Variants in CYP46A1 observed in about 807,000 individuals in gnomAD.
CYP46A1 encodes the protein cholesterol 24-hydroxylase.
Under a neutral mutation model 63.3 loss-of-function variants are expected in CYP46A1, and 20 were observed. The ratio of observed to expected loss-of-function variants is 0.32; its 90% CI spans 0.22 to 0.46. The LOEUF is 0.46. Among genes scored for constraint, CYP46A1 ranks in the 20% least tolerant of loss-of-function variants. CYP46A1 has a pLI of 1.00. For synonymous variants in CYP46A1, 268 were observed against 273.6 expected (o/e 0.98, Z 0.20); for missense variants, 445 against 670.8 (o/e 0.66, Z 3.72).
In CYP46A1 at chr14:99,684,394, C is replaced by A. The variant is rs751580896; in HGVS notation, c.-24C>A. 2.8e-6 allele frequency: 4 copies of A among 1,404,276 alleles called. No homozygotes were observed. The highest frequency in any genetic ancestry group is 2.6e-4 in the Middle Eastern group (1 of 3,874). The allele number at this position is 1,404,276 out of a possible 1,614,324, so 87.0% of individuals were successfully genotyped here. ...CCCTCGGCGCCCGGCCCGACCCTGG[C>A]CTGGCCTGCCCTGCCCCGGAGCCAT... is the stretch of plus-strand genomic sequence containing the variant. On this transcript the variant is annotated 5_prime_UTR_variant, in exon 1 of 15. Coordinates refer to ENST00000261835, the MANE Select transcript of CYP46A1 (RefSeq NM_006668.2).
chr14:99,720,318 T>C (rs1333103758), intron 10 of CYP46A1, among the ~76,000 whole-genome samples: 2 of 152,182 alleles, frequency 1.3e-5, no homozygotes, highest in African/African-American at 4.8e-5. Context: ...ACCATACCGT[T>C]TTCCATAACG....
In CYP46A1 at chr14:99,715,799, C is replaced by T. The variant is rs1334803172; in HGVS notation, c.694-11C>T. 5 of 1,613,974 alleles carry T rather than the reference C, an allele frequency of 3.1e-6. No homozygotes were observed. In the East Asian group the frequency reaches 1.1e-4, roughly 36 times the overall value. On this transcript the variant is annotated splice_polypyrimidine_tract_variant and intron_variant, in intron 7 of 14. Transcript: ENST00000261835. The stretch of plus-strand genomic sequence containing the variant: ...TTCACTTGGCCATCTGGAGCTGAAA[C>T]TCTTGTTTAGTTCCTGCCAGGGAAG...
rs756488741 is a variant in CYP46A1, at chr14:99,691,855, G to A, written c.276G>A (p.Ser92=). ...KTSVIVTSPE[S]VKKFLMSTKY... Reference sequence around the variant, plus strand: ...CAGTCATCGTCACGAGTCCTGAGTCGGTTAAGGTAGGAGGAAGAGTGGTTT... The same window carrying A: ...CAGTCATCGTCACGAGTCCTGAGTCAGTTAAGGTAGGAGGAAGAGTGGTTT... Residue 92 remains serine, a synonymous_variant, in exon 3 of 15, where the codon TCG becomes TCA. Transcript: ENST00000261835. 18 of 1,614,154 alleles carry A rather than the reference G, an allele frequency of 1.1e-5. No individual in the cohort carries two copies. The highest frequency in any genetic ancestry group is 1.1e-4 in the East Asian group (5 of 44,886).
chr14:99,707,034 T>C (rs967818353), intron 6 of CYP46A1, among the ~76,000 whole-genome samples: 1 of 152,194 alleles, frequency 6.6e-6, no homozygotes, highest in Non-Finnish European at 1.5e-5. Flanking sequence ...AGCTGGTCAA[T>C]GGCAGAAGCA....
rs1439542287 is a variant in CYP46A1, at chr14:99,726,256, G to C, written c.1332G>C (p.Gln444His). The C allele has an allele frequency of 6.2e-7, 1 of 1,613,360 alleles. No individual in the cohort carries two copies. The highest frequency in any genetic ancestry group is 8.5e-7 in the Non-Finnish European group (1 of 1,179,918). ...CCTGCATCGGGCAGCAGTTTGCTCA[G>C]GTAGGAGGGGCAGGGCTGTGGTTCT... ...HRSCIGQQFA[Q>H]MEVKVVMAKL... The change falls in exon 14 of 15, where the codon CAG becomes CAC. Residue 444 changes from glutamine to histidine, a missense_variant and splice_region_variant. Coordinates refer to ENST00000261835, the MANE Select transcript of CYP46A1 (RefSeq NM_006668.2).
intron 7 of CYP46A1, among the ~76,000 whole-genome samples, chr14:99,714,350 C>T (rs759689247): frequency 1.3e-5 from 2 of 152,134 alleles, no homozygotes; most frequent in African/African-American, 2.4e-5. Context: ...CATATGATTC[C>T]GCAGTCCCAC....
chr14:99,704,327 G>A (rs1394985554), intron 5 of CYP46A1, among the ~76,000 whole-genome samples: 1 of 152,122 alleles, frequency 6.6e-6, no homozygotes, highest in Non-Finnish European at 1.5e-5. Context: ...AATTTACAAG[G>A]CTTTATGAAA....
intron 5 of CYP46A1, 108 bp downstream of exon 5, chr14:99,700,209 C>CT: frequency 1.4e-6 from 1 of 712,584 alleles, no homozygotes; most frequent in South Asian, 2.2e-5. Context: ...GGGGGCCTCC[C>CT]TCAGCTGAAG....
chr14:99,710,685 C>G (rs2056721804), intron 7 of CYP46A1: 1 of 151,996 alleles, frequency 6.6e-6, no homozygotes, highest in Admixed American at 6.6e-5. Flanking sequence ...AAGCAAAGAT[C>G]TAAAGGAAAA....
chr14:99,719,498 A>G (rs2056824264), intron 10 of CYP46A1, among the ~76,000 whole-genome samples: 1 of 151,984 alleles, frequency 6.6e-6, no homozygotes, highest in Non-Finnish European at 1.5e-5. Context: ...CTGGGATTAC[A>G]GGTGTGAGCC....
intron 1 of CYP46A1, among the ~76,000 whole-genome samples, chr14:99,685,389 G>A (rs925748688): frequency 2.9e-5 from 4 of 137,734 alleles, no homozygotes; most frequent in Non-Finnish European, 4.5e-5. Context: ...TCCTCTGCTT[G>A]TCTCAAACAG....
At chr14:99,704,578 G>T (rs772456723) in intron 5 of CYP46A1, among the ~76,000 whole-genome samples, 5 of 152,172 alleles carry the variant, frequency 3.3e-5, no homozygotes, top group African/African-American at 9.7e-5. Flanking sequence ...GGATTTTATT[G>T]TTCACCTAAC....
intron 3 of CYP46A1, among the ~76,000 whole-genome samples, chr14:99,698,397 C>T (rs1339019681): frequency 6.6e-6 from 1 of 152,144 alleles, no homozygotes; most frequent in Non-Finnish European, 1.5e-5. Context: ...AACCTTGGGT[C>T]AGTTTTCAAC....
intron 3 of CYP46A1, among the ~76,000 whole-genome samples, chr14:99,694,371 C>CTTTTTTTTTTT (rs74872295): frequency 2.3e-5 from 2 of 86,312 alleles, no homozygotes; most frequent in African/African-American, 4.3e-5. Flanking sequence ...TTTGGGTTTT[C>CTTTTTTTTTTT]TTTTTTTTTT....
At position 99,691,267 on chromosome 14, in the gene CYP46A1, A is replaced by G. The variant is rs576773332; in HGVS notation, c.200+106A>G. On this transcript the variant is annotated intron_variant, in intron 2 of 14. Transcript: ENST00000261835. ...TCCCAGCCTCACCTTCCCCTAGCCCAGGTTACTCCCAGCCCCAGCAGTTCC... is the reference window on the plus strand; with the variant it reads ...TCCCAGCCTCACCTTCCCCTAGCCCGGGTTACTCCCAGCCCCAGCAGTTCC... The G allele has an allele frequency of 4.5e-5, 51 of 1,129,362 alleles. No homozygotes were observed. In the African/African-American group the frequency reaches 7.7e-4, roughly 17 times the overall value. The allele number at this position is 1,129,362 out of a possible 1,614,324, so 70.0% of individuals were successfully genotyped here. A position where few individuals can be genotyped will look rare whatever the true frequency, so the allele number is the denominator to read the frequency against.
chr14:99,720,459 CTT>C (rs34168201), intron 10 of CYP46A1, among the ~76,000 whole-genome samples: 12 of 127,336 alleles, frequency 9.4e-5, no homozygotes, highest in African/African-American at 3.3e-4. Flanking sequence ...CAGATCCACT[CTT>C]TTTTTTTTTT....
rs569729976 is a variant in CYP46A1 at position 99,726,039 on chromosome 14, A to T, written c.1266-151A>T. On this transcript the variant is annotated intron_variant, in intron 13 of 14. Transcript: ENST00000261835. ...AGAATGCAGATCCAGCCCTCGGCAG[A>T]GTCAGCGGTTCATGCTTTGCATGCA... 3.5e-5 allele frequency: 24 copies of T among 677,072 alleles called. No individual in the cohort carries two copies. In the African/African-American group the frequency reaches 3.5e-4, roughly 10 times the overall value. 41.9% of individuals were successfully genotyped at this position (677,072 alleles called of 1,614,324 possible).
At chr14:99,701,054 A>G (rs1041390704) in intron 5 of CYP46A1, among the ~76,000 whole-genome samples, 20 of 152,256 alleles carry the variant, frequency 1.3e-4, no homozygotes, top group Non-Finnish European at 2.8e-4. Flanking sequence ...TAGAATAAGG[A>G]TACAAATAAG....
At chr14:99,714,116 G>A (rs930709687) in intron 7 of CYP46A1, among the ~76,000 whole-genome samples, 1 of 152,116 alleles carries the variant, frequency 6.6e-6, no homozygotes, top group African/African-American at 2.4e-5. Context: ...TGGCCAAGAG[G>A]TATATGAAAA....
Sources: allele counts gnomAD v4.1 joint callset (sites outside exome capture counted in the v4.1 genomes callset), GRCh38; gene constraint gnomAD v4.1.1; transcripts MANE v1.5; gene names NCBI Gene and HGNC (gene_info 2026-07-23, HGNC 2026-07-21).